The following AXDND1 variants were observed in gnomAD, a reference collection of about 807,000 sequenced individuals.
The protein encoded by AXDND1 is axonemal dynein light chain domain-containing protein 1.
AXDND1 carries 110 observed loss-of-function variants against 137.5 expected under a neutral mutation model. That is an observed-to-expected ratio of 0.80 (90% confidence interval 0.69 to 0.94). The LOEUF (loss-of-function observed/expected upper bound fraction) is 0.94, where lower values mean the gene tolerates loss of function less well. AXDND1 is among the 40% of genes least tolerant of loss of function. The pLI, the probability that AXDND1 is intolerant of heterozygous loss-of-function variation, is 0.00. For synonymous variants in AXDND1, 414 were observed against 399.7 expected (o/e 1.04, Z -0.43); for missense variants, 1,191 against 1,169.8 (o/e 1.02, Z -0.26).
In AXDND1 at chr1:179,462,531, G is replaced by C. The variant is rs1206958938; in HGVS notation, c.1799-5912G>C. 2.6e-5 allele frequency among the ~76,000 whole-genome samples: 4 copies of C among 152,158 alleles called. No homozygotes were observed. In the East Asian group the frequency reaches 7.7e-4, roughly 29 times the overall value. On this transcript the variant is annotated intron_variant, in intron 16 of 25. Coordinates refer to ENST00000367618, the MANE Select transcript of AXDND1 (RefSeq NM_144696.6). ...CTTTTTTTTGTTGTGTCTCTGCCAG[G>C]CTTTGGTATCAGGATGATTCTGGCC...
chr1:179,455,593 CA>C (rs57868830), intron 16 of AXDND1: 1,265 of 83,882 alleles, frequency 0.015, 8 homozygotes, highest in African/African-American at 0.047. Flanking sequence ...GACTCCGTCT[CA>C]AAAAAAAAAA....
chr1:179,394,044 GT>G lies in AXDND1; in HGVS notation c.1004+2del. Reference sequence around the variant, plus strand: ...AGCATGTTATTGAAGAACTGACCAGGTAAAAACTGTGATTATCTTAAACACA... The same window carrying G: ...AGCATGTTATTGAAGAACTGACCAGGAAAAACTGTGATTATCTTAAACACA... On this transcript the variant is annotated splice_donor_variant, in intron 10 of 25. Coordinates refer to ENST00000367618, the MANE Select transcript of AXDND1 (RefSeq NM_144696.6). LOFTEE classifies it high-confidence loss of function. 6.3e-7 allele frequency: 1 copy of G among 1,593,330 alleles called. No individual in the cohort carries two copies. Among genetic ancestry groups the G allele is most frequent in the Non-Finnish European group, 8.5e-7 (1 of 1,172,364 alleles).
At chr1:179,477,748 G>A (rs11809757) in intron 17 of AXDND1, among the ~76,000 whole-genome samples, 69,366 of 151,920 alleles carry the variant, frequency 0.46, 16,726 homozygotes, top group East Asian at 0.76. Context: ...ACAGTCCCCA[G>A]AAGTCTTAAC....
At chr1:179,525,477 C>CTATA in intron 22 of AXDND1, 30 bp downstream of exon 22, 1 of 1,468,280 alleles carries the variant, frequency 6.8e-7, no homozygotes, top group Admixed American at 2.1e-5. Context: ...GTTTTTCCTC[C>CTATA]TACATACATA....
At chr1:179,464,547 A>G (rs1052119622) in intron 16 of AXDND1, among the ~76,000 whole-genome samples, 3 of 151,440 alleles carry the variant, frequency 2.0e-5, no homozygotes, top group Non-Finnish European at 4.4e-5. Flanking sequence ...TGCCCTTAAC[A>G]TTTTTTCCTT....
chr1:179,532,288 C>T (rs542943514), intron 23 of AXDND1, among the ~76,000 whole-genome samples: 5 of 152,112 alleles, frequency 3.3e-5, no homozygotes, highest in South Asian at 2.1e-4. Context: ...CTCAAATGCA[C>T]GCAGGTAGTA....
intron 20 of AXDND1, among the ~76,000 whole-genome samples, chr1:179,503,454 G>T (rs1193400422): frequency 6.6e-6 from 1 of 152,026 alleles, no homozygotes; most frequent in Non-Finnish European, 1.5e-5. Flanking sequence ...CCAATTTTCA[G>T]TGAAAAATTG....
chr1:179,467,350 C>T (rs1027704191), intron 16 of AXDND1, among the ~76,000 whole-genome samples: 15 of 152,048 alleles, frequency 9.9e-5, no homozygotes, highest in African/African-American at 3.6e-4. Context: ...CATGTCAGCC[C>T]TCTGGATCTG....
At chr1:179,420,779 C>T (rs908493967) in intron 12 of AXDND1, among the ~76,000 whole-genome samples, 1 of 151,870 alleles carries the variant, frequency 6.6e-6, no homozygotes, top group African/African-American at 2.4e-5. Context: ...CCCGCCACCA[C>T]ACCTGATGAA....
rs1431150325 is a variant in AXDND1, at chr1:179,475,656, A to G, written c.1997+7015A>G. On this transcript the variant is annotated intron_variant, in intron 17 of 25. Coordinates refer to ENST00000367618, the MANE Select transcript of AXDND1 (RefSeq NM_144696.6). ...TTTTATTTTACAGGCTCATAGACAG[A>G]AGGGACTTGCCTTGCTCAGATGAGA... Among the ~76,000 whole-genome samples, 3 of 152,332 alleles carry G rather than the reference A, an allele frequency of 2.0e-5. No homozygotes were observed. The East Asian group carries it at 5.8e-4, about 29-fold the overall frequency.
At chr1:179,535,520 A>G (rs548041843) in intron 25 of AXDND1, among the ~76,000 whole-genome samples, 264 of 152,282 alleles carry the variant, frequency 1.7e-3, no homozygotes, top group African/African-American at 6.0e-3. Flanking sequence ...GATGGTTTCC[A>G]GCTTCATCCA....
At chr1:179,407,756 A>C (rs1265616781) in intron 11 of AXDND1, among the ~76,000 whole-genome samples, 1 of 151,924 alleles carries the variant, frequency 6.6e-6, no homozygotes, top group African/African-American at 2.4e-5. Context: ...TGGGTTGGGG[A>C]TCTTTGAGCT....
intron 4 of AXDND1, 121 bp from the exon 5 acceptor site, chr1:179,378,516 C>A (rs1647666371): frequency 1.6e-6 from 1 of 618,346 alleles, no homozygotes; most frequent in African/African-American, 1.9e-5. Context: ...GTAAGGAGAT[C>A]AGTTTTGCTG....
At chr1:179,394,840 G>A (rs1041563847) in intron 10 of AXDND1, among the ~76,000 whole-genome samples, 3 of 152,102 alleles carry the variant, frequency 2.0e-5, no homozygotes, top group East Asian at 3.9e-4. Flanking sequence ...GTCAGCATCT[G>A]CCTCCCTCCA....
At chr1:179,395,819 A>T (rs1330851373) in intron 11 of AXDND1, among the ~76,000 whole-genome samples, 2 of 152,208 alleles carry the variant, frequency 1.3e-5, no homozygotes, top group Non-Finnish European at 2.9e-5. Context: ...AATGTCAGCC[A>T]TTATGTCATA....
chr1:179,478,266 G>T (rs865871516), intron 17 of AXDND1, among the ~76,000 whole-genome samples: 4 of 152,110 alleles, frequency 2.6e-5, no homozygotes, highest in Non-Finnish European at 1.5e-5. Context: ...GTGTGGGGGT[G>T]CCCACCTCAC....
intron 25 of AXDND1, chr1:179,551,791 G>GT (rs1558337688): frequency 3.3e-6 from 1 of 303,840 alleles, no homozygotes; most frequent in East Asian, 7.7e-5. Flanking sequence ...GTTATGAAAG[G>GT]GTGACCCCCA....
intron 18 of AXDND1, among the ~76,000 whole-genome samples, chr1:179,488,635 C>CTTTCTTTCTTTCTTTCTTTCTT (rs1558256414): frequency 1.9e-4 from 5 of 26,170 alleles, no homozygotes; most frequent in Middle Eastern, 0.026. Context: ...TCTCTCTCTC[C>CTTTCTTTCTTTCTTTCTTTCTT]TTTCTTTCTT....
At chr1:179,484,370 G>C (rs1665778537) in intron 18 of AXDND1, among the ~76,000 whole-genome samples, 1 of 152,162 alleles carries the variant, frequency 6.6e-6, no homozygotes, top group Non-Finnish European at 1.5e-5. Flanking sequence ...TTAATCTTAG[G>C]GGAACTATCA....
Sources: gnomAD v4.1 joint callset for allele counts (sites outside exome capture counted in the v4.1 genomes callset) on GRCh38, gnomAD v4.1.1 for gene constraint, MANE v1.5 for transcripts, NCBI Gene and HGNC (gene_info 2026-07-23, HGNC 2026-07-21) for gene names.